ROBO2: variants seen among roughly 807,000 people sequenced by gnomAD.
The protein encoded by ROBO2 is roundabout homolog 2.
ROBO2 carries 53 observed loss-of-function variants against 160.8 expected under a neutral mutation model. That is an observed-to-expected ratio of 0.33 (90% CI 0.26 to 0.41). The LOEUF (loss-of-function observed/expected upper bound fraction) is 0.41, where lower values mean the gene tolerates loss of function less well. Ranked by LOEUF, ROBO2 falls within the 10% of genes least tolerant of loss-of-function variation. The pLI is 1.00. For missense variants in ROBO2, 1,577 were observed against 1,722.4 expected (o/e 0.92, Z 1.49); for synonymous variants, 664 against 611.7 (o/e 1.09, Z -1.26).
chr3:76,650,087 A>G (rs781627866), intron 2 of ROBO2, among the ~76,000 whole-genome samples: 15 of 152,296 alleles, frequency 9.8e-5, no homozygotes, highest in Non-Finnish European at 7.4e-5. Flanking sequence ...CCTTTCCAAC[A>G]CAACCTTATT....
chr3:76,402,906 G>A (rs990213606), intron 2 of ROBO2, among the ~76,000 whole-genome samples: 11 of 151,572 alleles, frequency 7.3e-5, no homozygotes, highest in Admixed American at 1.3e-4. Flanking sequence ...ATTTAATTAC[G>A]TCTGCAAAGT....
At chr3:76,275,102 A>T (rs902174015) in intron 2 of ROBO2, among the ~76,000 whole-genome samples, 1 of 152,150 alleles carries the variant, frequency 6.6e-6, no homozygotes, top group Non-Finnish European at 1.5e-5. Context: ...CAGTAGACAC[A>T]ACAACAATAA....
intron 2 of ROBO2, among the ~76,000 whole-genome samples, chr3:76,757,797 TC>T (rs1179515433): frequency 6.6e-6 from 1 of 151,748 alleles, no homozygotes; most frequent in Non-Finnish European, 1.5e-5. Context: ...CAGAGTTCAC[TC>T]AGAAGAGGTG....
intron 2 of ROBO2, among the ~76,000 whole-genome samples, chr3:77,443,730 A>T (rs2080188504): frequency 1.3e-5 from 2 of 152,146 alleles, no homozygotes. Flanking sequence ...AAGACATTAA[A>T]TCCTCTAACT....
At position 77,317,248 on chromosome 3, in the gene ROBO2, C is replaced by T. The variant is rs1297955998; in HGVS notation, c.389-160166C>T. 7 of 780,020 alleles carry T rather than the reference C, an allele frequency of 9.0e-6. No homozygotes were observed. In the Admixed American group the frequency reaches 9.4e-5, roughly 10 times the overall value. 48.3% of individuals were successfully genotyped at this position (780,020 alleles called of 1,614,324 possible). A position where few individuals can be genotyped will look rare whatever the true frequency, so the allele number is the denominator to read the frequency against. Reference sequence around the variant, plus strand: ...GTCACAGCCCAGGTTAATGTGCTCCCACTTGCACCCTGTCTTGATTTTAGC... The same window carrying T: ...GTCACAGCCCAGGTTAATGTGCTCCTACTTGCACCCTGTCTTGATTTTAGC... On this transcript the variant is annotated intron_variant, in intron 2 of 25. Transcript: ENST00000461745.
At chr3:76,821,336 T>C (rs1146014) in intron 2 of ROBO2, among the ~76,000 whole-genome samples, 39,951 of 151,870 alleles carry the variant, frequency 0.26, 5,605 homozygotes, top group East Asian at 0.44. Context: ...TTCAACAATG[T>C]AAATATTAAG....
At chr3:76,154,917 G>A (rs376955466) in intron 2 of ROBO2, among the ~76,000 whole-genome samples, 1 of 152,036 alleles carries the variant, frequency 6.6e-6, no homozygotes, top group Non-Finnish European at 1.5e-5. Flanking sequence ...ATATATTGTG[G>A]TTATTTCAGT....
intron 2 of ROBO2, among the ~76,000 whole-genome samples, chr3:76,776,201 C>A (rs1332411293): frequency 6.6e-6 from 1 of 150,912 alleles, no homozygotes; most frequent in Non-Finnish European, 1.5e-5. Flanking sequence ...ACATTTTGAA[C>A]TCTATATAGT....
At chr3:77,325,246 C>A (rs905281157) in intron 2 of ROBO2, among the ~76,000 whole-genome samples, 3 of 152,134 alleles carry the variant, frequency 2.0e-5, no homozygotes, top group Admixed American at 6.5e-5. Flanking sequence ...GAAAATGAAC[C>A]TGTTTACTAG....
At chr3:76,727,339 A>G (rs2093568116) in intron 2 of ROBO2, among the ~76,000 whole-genome samples, 1 of 152,204 alleles carries the variant, frequency 6.6e-6, no homozygotes, top group African/African-American at 2.4e-5. Context: ...AGACAGAAGC[A>G]TAGAAATGGA....
chr3:77,630,160 A>C (rs2095127686), intron 23 of ROBO2: 1 of 152,256 alleles, frequency 6.6e-6, no homozygotes, highest in African/African-American at 2.4e-5. Flanking sequence ...GGATGATGTT[A>C]CATAAATGAG....
chr3:76,845,078 A>G (rs4114857), intron 2 of ROBO2, among the ~76,000 whole-genome samples: 4 of 151,860 alleles, frequency 2.6e-5, no homozygotes, highest in African/African-American at 7.2e-5. Context: ...AGAATCAAAG[A>G]TTTTACAACC....
intron 2 of ROBO2, among the ~76,000 whole-genome samples, chr3:75,971,781 G>C (rs1263285553): frequency 6.6e-6 from 1 of 151,362 alleles, no homozygotes; most frequent in East Asian, 2.0e-4. Flanking sequence ...TAACATTTTA[G>C]AGATTCTTAA....
At chr3:76,425,487 AGTGTGTGTGT>A (rs10530471) in intron 2 of ROBO2, among the ~76,000 whole-genome samples, 64,538 of 146,390 alleles carry the variant, frequency 0.44, 14,854 homozygotes, top group East Asian at 0.54. Context: ...TGATGCAGCA[AGTGTGTGTGT>A]GTGTGTGTGT....
chr3:76,464,260 C>T (rs1049182404), intron 2 of ROBO2, among the ~76,000 whole-genome samples: 1 of 152,056 alleles, frequency 6.6e-6, no homozygotes, highest in Non-Finnish European at 1.5e-5. Context: ...GATGATTGGA[C>T]GAATAGTATG....
intron 2 of ROBO2, among the ~76,000 whole-genome samples, chr3:76,426,704 T>A (rs2076236658): frequency 6.6e-6 from 1 of 152,014 alleles, no homozygotes; most frequent in African/African-American, 2.4e-5. Flanking sequence ...CAATACATAA[T>A]TAAATGTGCT....
At chr3:76,196,817 A>G (rs559514865) in intron 2 of ROBO2, among the ~76,000 whole-genome samples, 1 of 152,264 alleles carries the variant, frequency 6.6e-6, no homozygotes, top group East Asian at 1.9e-4. Flanking sequence ...GAATAAATTG[A>G]TATGTGACAT....
intron 2 of ROBO2, among the ~76,000 whole-genome samples, chr3:76,761,413 C>T (rs774601347): frequency 2.6e-5 from 4 of 151,658 alleles, no homozygotes; most frequent in Non-Finnish European, 4.4e-5. Context: ...TGAGCTGCCT[C>T]GCCATCCTGT....
chr3:76,260,346 T>G (rs2107590802), intron 2 of ROBO2, among the ~76,000 whole-genome samples: 1 of 152,046 alleles, frequency 6.6e-6, no homozygotes, highest in East Asian at 1.9e-4. Flanking sequence ...GAAAAGAAAA[T>G]AATAAAAACT....
Sources: allele counts gnomAD v4.1 joint callset (sites outside exome capture counted in the v4.1 genomes callset), GRCh38; gene constraint gnomAD v4.1.1; transcripts MANE v1.5; gene names NCBI Gene and HGNC (gene_info 2026-07-23, HGNC 2026-07-21).